The following ALDH16A1 variants were observed in gnomAD, a reference collection of about 807,000 sequenced individuals.
ALDH16A1 encodes aldehyde dehydrogenase 16 family member A1, also known as aldehyde dehydrogenase family 16 member A1.
In ALDH16A1, 88 loss-of-function variants were observed where a neutral mutation model predicts 96.1. The observed-to-expected ratio is 0.92, with a 90% CI of 0.77 to 1.09. The LOEUF (loss-of-function observed/expected upper bound fraction) is 1.09. Among genes scored for constraint, ALDH16A1 ranks in the 50% least tolerant of loss-of-function variants. The pLI is 0.00. For synonymous variants in ALDH16A1, 522 were observed against 496.4 expected (o/e 1.05, Z -0.69); for missense variants, 1,250 against 1,112.6 (o/e 1.12, Z -1.76).
rs1449651600 is a variant in ALDH16A1, at chr19:49,453,304, T to C, written c.-28T>C. The C allele has an allele frequency of 3.3e-6, 5 of 1,535,456 alleles. No homozygotes were observed. Among genetic ancestry groups the C allele is most frequent in the Non-Finnish European group, 4.4e-6 (5 of 1,141,002 alleles). ...CCCCTTAACACAGAGCGCCCCGCAG[T>C]CTTCGCGGAAAGCGTTCGGGGTAGG... On this transcript the variant is annotated 5_prime_UTR_variant, in exon 1 of 17. Coordinates refer to ENST00000293350, the MANE Select transcript of ALDH16A1 (RefSeq NM_153329.4).
intron 9 of ALDH16A1, 71 bp from the exon 10 acceptor site, chr19:49,464,056 G>A: frequency 6.3e-7 from 1 of 1,579,582 alleles, no homozygotes; most frequent in Non-Finnish European, 8.6e-7. Context: ...CGTGGGGGCT[G>A]CTGCCTGCTC....
At chr19:49,458,351 T>A (rs2079117298) in intron 1 of ALDH16A1, 135 bp from the exon 2 acceptor site, 2 of 670,702 alleles carry the variant, frequency 3.0e-6, no homozygotes, top group Non-Finnish European at 5.1e-6. Flanking sequence ...ACTTTTTTTT[T>A]AAAGCAATAG....
At position 49,458,500 on chromosome 19, in the gene ALDH16A1, C is replaced by T. The variant is rs1466532009; in HGVS notation, c.105C>T (p.Thr35=). Residue 35 remains threonine, a synonymous_variant, in exon 2 of 17, where the codon ACC becomes ACT. Coordinates refer to ENST00000293350, the MANE Select transcript of ALDH16A1 (RefSeq NM_153329.4). ...ACCTCCCCCAGGCCTGGCTGGACAC[C>T]CAGGACCGGTGCTTGGGCCACTATG... ...SHACALAWLD[T]QDRCLGHYVN... 1.3e-6 allele frequency: 2 copies of T among 1,562,902 alleles called. No individual in the cohort carries two copies. The highest frequency in any genetic ancestry group is 2.3e-5 in the South Asian group (2 of 85,130).
chr19:49,470,150 A>T, intron 16 of ALDH16A1, 156 bp from the exon 17 acceptor site: 1 of 863,670 alleles, frequency 1.2e-6, no homozygotes, highest in Non-Finnish European at 1.8e-6. Flanking sequence ...TTTCCCTACC[A>T]TCTGGAAGTT....
chr19:49,464,443 A>G lies in ALDH16A1; in HGVS notation c.1358A>G (p.Asn453Ser), dbSNP rs1601035285. 1 of 1,607,996 alleles carries G rather than the reference A, an allele frequency of 6.2e-7. No individual in the cohort carries two copies. The highest frequency in any genetic ancestry group is 2.2e-5 in the East Asian group (1 of 44,646). ...CTCCAGGTGGGCACTGTCTGGATCA[A>G]CGCCCACGGCCTCAGAGACCCTTCG... ...YGLQVGTVWI[N>S]AHGLRDPSVP... Residue 453 changes from asparagine (N) to serine (S), a missense_variant, in exon 11 of 17, where the codon AAC (asparagine) becomes AGC (serine). Coordinates refer to ENST00000293350, the MANE Select transcript of ALDH16A1 (RefSeq NM_153329.4).
Position 49,468,705 on chromosome 19 carries a change from TTC to T in ALDH16A1, c.2124+140_2124+141del, listed in dbSNP as rs1330245425. ...TGCCCCCAGCCCCAGCACCCAAACC[TTC>T]ACTCCTTGGGGACCCAGTGCCCATT... On this transcript the variant is annotated intron_variant, in intron 15 of 16. Transcript: ENST00000293350. The surrounding 1 kb of genome is among the most constrained non-coding windows in gnomAD (Gnocchi z 4.4). 2.9e-6 allele frequency: 4 copies of T among 1,361,808 alleles called. No homozygotes were observed. Among genetic ancestry groups the T allele is most frequent in the Non-Finnish European group, 4.0e-6 (4 of 1,002,208 alleles). The allele number at this position is 1,361,808 out of a possible 1,614,324, so 84.4% of individuals were successfully genotyped here.
At position 49,462,050 on chromosome 19, in the gene ALDH16A1, G is replaced by A. The variant is rs565247772; in HGVS notation, c.912+14G>A. Reference sequence around the variant, plus strand: ...GACCGCGGCCCGGTGAGACCCGTGCGCTCCCGTCTCCTCATACCCTGGAGG... The same window carrying A: ...GACCGCGGCCCGGTGAGACCCGTGCACTCCCGTCTCCTCATACCCTGGAGG... On this transcript the variant is annotated intron_variant, in intron 7 of 16. Transcript: ENST00000293350. The A allele has an allele frequency of 9.8e-6, 15 of 1,536,236 alleles. No individual in the cohort carries two copies. The highest frequency in any genetic ancestry group is 1.7e-4 in the Middle Eastern group (1 of 5,968).
At chr19:49,454,724 G>A (rs1288851998) in intron 1 of ALDH16A1, among the ~76,000 whole-genome samples, 1 of 152,176 alleles carries the variant, frequency 6.6e-6, no homozygotes, top group Admixed American at 6.5e-5. Context: ...CAGAACCCTG[G>A]CACAGCCTAG....
intron 1 of ALDH16A1, among the ~76,000 whole-genome samples, chr19:49,454,809 C>T (rs528445685): frequency 1.3e-5 from 2 of 152,110 alleles, no homozygotes; most frequent in South Asian, 2.1e-4. Context: ...ATAGTGAAAC[C>T]TCGTCTCTAC....
At chr19:49,456,179 T>C (rs2079103868) in intron 1 of ALDH16A1, among the ~76,000 whole-genome samples, 1 of 152,208 alleles carries the variant, frequency 6.6e-6, no homozygotes, top group Non-Finnish European at 1.5e-5. Flanking sequence ...TGAACTCCTG[T>C]TTACCCATCA....
intron 4 of ALDH16A1, among the ~76,000 whole-genome samples, 173 bp downstream of exon 4, chr19:49,460,021 C>T (rs2079129481): frequency 6.6e-6 from 1 of 152,106 alleles, no homozygotes; most frequent in Admixed American, 6.5e-5. Flanking sequence ...AGTGATTCTC[C>T]TGCCTCAGCC....
At chr19:49,462,539 T>G in intron 7 of ALDH16A1, 31 bp from the exon 8 acceptor site, 1 of 1,604,662 alleles carries the variant, frequency 6.2e-7, no homozygotes, top group Non-Finnish European at 8.5e-7. Context: ...AGTGCAATGG[T>G]GTGATCTCCT....
At chr19:49,457,671 G>A (rs1291666495) in intron 1 of ALDH16A1, among the ~76,000 whole-genome samples, 4 of 151,640 alleles carry the variant, frequency 2.6e-5, no homozygotes, top group Non-Finnish European at 4.4e-5. Flanking sequence ...GTGCAGTGGC[G>A]TGATCTTGGC....
intron 5 of ALDH16A1, among the ~76,000 whole-genome samples, chr19:49,461,361 G>A (rs1444920254): frequency 1.4e-5 from 2 of 138,276 alleles, no homozygotes; most frequent in African/African-American, 5.5e-5. Flanking sequence ...GGAGGGGCTG[G>A]AGTCTGGACT....
chr19:49,464,485 G>A lies in ALDH16A1; in HGVS notation c.1400G>A (p.Cys467Tyr). 6.2e-7 allele frequency: 1 copy of A among 1,613,518 alleles called. No individual in the cohort carries two copies. Among genetic ancestry groups the A allele is most frequent in the Non-Finnish European group, 8.5e-7 (1 of 1,179,804 alleles). ...LRDPSVPTGG[C>Y]KESGCSWHGG... Reference sequence around the variant, plus strand: ...GACCCTTCGGTGCCCACAGGCGGCTGCAAGGAGAGTGGGTGTTCCTGGCAC... The same window carrying A: ...GACCCTTCGGTGCCCACAGGCGGCTACAAGGAGAGTGGGTGTTCCTGGCAC... The change falls in exon 11 of 17, where the codon TGC (cysteine) becomes TAC (tyrosine). Residue 467 changes from cysteine (C) to tyrosine (Y), a missense_variant. Transcript: ENST00000293350.
intron 14 of ALDH16A1, among the ~76,000 whole-genome samples, chr19:49,467,914 C>T (rs1284767541): frequency 6.6e-6 from 1 of 150,390 alleles, no homozygotes; most frequent in East Asian, 2.0e-4. Flanking sequence ...CAGCACTTTG[C>T]GAGGCCAAGG....
Position 49,470,649 on chromosome 19 carries a change from T to A in ALDH16A1, c.*182T>A. 18 of 123,938 alleles carry A rather than the reference T, an allele frequency of 1.5e-4. No homozygotes were observed. The highest frequency in any genetic ancestry group is 3.1e-4 in the South Asian group (1 of 3,210). The allele number at this position is 123,938 out of a possible 1,614,324, so 7.7% of individuals were successfully genotyped here. On this transcript the variant is annotated 3_prime_UTR_variant, in exon 17 of 17. Coordinates refer to ENST00000293350, the MANE Select transcript of ALDH16A1 (RefSeq NM_153329.4). ...TTCTGGCAGATATGAGGCTTTTTTCTTTTTTTTTTTTTTTTTTGAGACAAC... is the reference window on the plus strand; with the variant it reads ...TTCTGGCAGATATGAGGCTTTTTTCATTTTTTTTTTTTTTTTTGAGACAAC...
At chr19:49,464,371 G>A in intron 10 of ALDH16A1, 46 bp from the exon 11 acceptor site, 3 of 1,564,922 alleles carry the variant, frequency 1.9e-6, no homozygotes, top group Admixed American at 1.9e-5. Flanking sequence ...CTCCCGGCCT[G>A]CCACCGTCTG....
In ALDH16A1 at chr19:49,468,898, A is replaced by T. The variant is rs762828785; in HGVS notation, c.2159A>T (p.Asn720Ile). The change falls in exon 16 of 17, where the codon AAC becomes ATC. Residue 720 changes from asparagine (N) to isoleucine (I), a missense_variant. Transcript: ENST00000293350. The surrounding 1 kb of genome is among the most constrained non-coding windows in gnomAD (Gnocchi z 4.4). ...ACCGTGTTCCCAGCAGGCCTGGCCA[A>T]CGTGGTGACAGGAGACCGGGACCAT... ...MATVFPAGLA[N>I]VVTGDRDHLT... is the part of the protein sequence containing the mutation. 6.2e-7 allele frequency: 1 copy of T among 1,614,048 alleles called. No homozygotes were observed. Among genetic ancestry groups the T allele is most frequent in the Non-Finnish European group, 8.5e-7 (1 of 1,180,014 alleles).
Sources: allele counts gnomAD v4.1 joint callset (sites outside exome capture counted in the v4.1 genomes callset), GRCh38; gene constraint gnomAD v4.1.1; non-coding constraint Gnocchi (gnomAD v3.1); transcripts MANE v1.5; gene names NCBI Gene and HGNC (gene_info 2026-07-23, HGNC 2026-07-21).